The following PDE10A variants were observed in gnomAD, a reference collection of about 807,000 sequenced individuals.
PDE10A encodes the protein cAMP and cAMP-inhibited cGMP 3',5'-cyclic phosphodiesterase 10A.
A neutral mutation model predicts 97.7 loss-of-function variants in PDE10A; 39 were observed. The ratio of observed to expected loss-of-function variants is 0.40; its 90% confidence interval spans 0.31 to 0.52. The LOEUF is 0.52. Among genes scored for constraint, PDE10A ranks in the 20% least tolerant of loss-of-function variants. The pLI, the probability that PDE10A is intolerant of heterozygous loss-of-function variation, is 0.56. For synonymous variants in PDE10A, 371 were observed against 376.8 expected, an observed-to-expected ratio of 0.98 and a Z score of 0.18; for missense variants, 731 against 1,047.8, an observed-to-expected ratio of 0.70 and a Z score of 4.17.
At chr6:165,497,988 T>C (rs1780638500) in intron 2 of PDE10A, among the ~76,000 whole-genome samples, 1 of 152,236 alleles carries the variant, frequency 6.6e-6, no homozygotes, top group African/African-American at 2.4e-5. Context: ...TTTATAATTA[T>C]GAATAAAAAT....
chr6:165,574,656 T>TA lies in PDE10A; in HGVS notation c.866-31089dup, dbSNP rs200248288. On this transcript the variant is annotated intron_variant, in intron 1 of 21. Coordinates refer to ENST00000539869, the MANE Select transcript of PDE10A (RefSeq NM_001385079.1). ...ACACGTACATTCTGAATAACAAAAA[T>TA]AAGAGTTTTACTTACTAGTCTCGGC... 3.6e-3 allele frequency among the ~76,000 whole-genome samples: 544 copies of TA among 152,308 alleles called. 6 individuals carry two copies. The highest frequency in any genetic ancestry group is 0.012 in the African/African-American group (515 of 41,568).
intron 18 of PDE10A, among the ~76,000 whole-genome samples, chr6:165,363,422 G>A (rs947735196): frequency 2.6e-5 from 4 of 152,090 alleles, no homozygotes; most frequent in Non-Finnish European, 4.4e-5. Context: ...GGCTGAGGCA[G>A]GAGAATTGCT....
intron 1 of PDE10A, among the ~76,000 whole-genome samples, chr6:165,960,326 C>T (rs767058935): frequency 1.3e-5 from 2 of 152,156 alleles, no homozygotes; most frequent in Non-Finnish European, 2.9e-5. Context: ...TCAAAGAACA[C>T]CCGGTAAAGA....
rs1330501705 is a variant in PDE10A at position 165,413,544 on chromosome 6, T to C, written c.2033A>G (p.Lys678Arg). Residue 678 changes from lysine (K) to arginine (R), a missense_variant, in exon 13 of 22, where the codon AAA becomes AGA. Coordinates refer to ENST00000539869, the MANE Select transcript of PDE10A (RefSeq NM_001385079.1). Reference sequence around the variant, plus strand: ...TAAAGCACAAAAGACGGCAAACATTTTGAAGTTGTTTTCATCTGTTTTAGA... The same window carrying C: ...TAAAGCACAAAAGACGGCAAACATTCTGAAGTTGTTTTCATCTGTTTTAGA... ...AFSKTDENNF[K>R]MFAVFCALAL... The C allele has an allele frequency of 6.2e-7, 1 of 1,614,060 alleles. No homozygotes were observed. Among genetic ancestry groups the C allele is most frequent in the African/African-American group, 1.3e-5 (1 of 74,926 alleles).
chr6:165,668,243 T>TA (rs775782540), intron 1 of PDE10A, among the ~76,000 whole-genome samples: 42 of 152,312 alleles, frequency 2.8e-4, no homozygotes, highest in Middle Eastern at 3.4e-3. Flanking sequence ...ACATTCTGGA[T>TA]AAAAAGGGTT....
chr6:165,477,639 G>C (rs763372334), intron 3 of PDE10A, among the ~76,000 whole-genome samples: 1 of 152,114 alleles, frequency 6.6e-6, no homozygotes, highest in African/African-American at 2.4e-5. Flanking sequence ...TCCACACTCA[G>C]CATTTCCTAG....
intron 1 of PDE10A, among the ~76,000 whole-genome samples, chr6:165,716,418 A>C (rs1792028588): frequency 6.6e-6 from 1 of 152,246 alleles, no homozygotes; most frequent in Non-Finnish European, 1.5e-5. Context: ...AACTGACTGC[A>C]CACCTTATCT....
intron 17 of PDE10A, among the ~76,000 whole-genome samples, chr6:165,383,229 CTA>C (rs1335638036): frequency 6.6e-6 from 1 of 151,902 alleles, no homozygotes; most frequent in Non-Finnish European, 1.5e-5. Flanking sequence ...AAAATTTTGA[CTA>C]TTTTTAAAGT....
intron 1 of PDE10A, among the ~76,000 whole-genome samples, chr6:165,647,307 T>C (rs1481661819): frequency 6.6e-6 from 1 of 152,218 alleles, no homozygotes. Context: ...CCCCCGGAGC[T>C]GCCAGCGGCA....
chr6:165,480,158 T>G (rs182380543), intron 3 of PDE10A, among the ~76,000 whole-genome samples: 1 of 152,206 alleles, frequency 6.6e-6, no homozygotes, highest in South Asian at 2.1e-4. Flanking sequence ...GAAACTAAGA[T>G]GTTTTACTAG....
chr6:165,476,569 A>G (rs16897914), intron 3 of PDE10A, among the ~76,000 whole-genome samples: 10,572 of 152,232 alleles, frequency 0.069, 527 homozygotes, highest in East Asian at 0.25. Flanking sequence ...AATGTGAAAG[A>G]ACCCCATGCA....
chr6:165,704,133 A>G (rs1009911404), intron 1 of PDE10A, among the ~76,000 whole-genome samples: 1 of 152,158 alleles, frequency 6.6e-6, no homozygotes, highest in Non-Finnish European at 1.5e-5. Context: ...ACGTTTGGGA[A>G]CTGGCTCAAG....
intron 1 of PDE10A, among the ~76,000 whole-genome samples, chr6:165,565,180 G>A (rs1784714399): frequency 6.6e-6 from 1 of 152,152 alleles, no homozygotes; most frequent in South Asian, 2.1e-4. Flanking sequence ...CAGATGACAT[G>A]ACTGTCTATA....
intron 13 of PDE10A, among the ~76,000 whole-genome samples, chr6:165,398,097 T>G (rs1786320038): frequency 6.6e-6 from 1 of 152,234 alleles, no homozygotes; most frequent in Non-Finnish European, 1.5e-5. Flanking sequence ...TATTTAATAC[T>G]TTTGGAGATA....
rs1273195716 is a variant in PDE10A at position 165,785,179 on chromosome 6, G to A, written c.-615+202350C>T. Among the ~76,000 whole-genome samples, 5 of 152,322 alleles carry A rather than the reference G, an allele frequency of 3.3e-5. No individual in the cohort carries two copies. In the East Asian group the frequency reaches 9.6e-4, roughly 29 times the overall value. On this transcript the variant is annotated intron_variant, in intron 1 of 19. Transcript: ENST00000366882. The stretch of plus-strand genomic sequence containing the variant: ...GCCTCAGTCTCCTGATCTAGAAAAT[G>A]GACTTAGGGTCCTTGCCTCCTGGTG...
At chr6:165,829,009 T>C (rs999908732) in intron 1 of PDE10A, among the ~76,000 whole-genome samples, 1 of 152,254 alleles carries the variant, frequency 6.6e-6, no homozygotes, top group Non-Finnish European at 1.5e-5. Flanking sequence ...CCACTTTGAT[T>C]GGGCTGGTGC....
At chr6:165,508,282 T>C (rs73037882) in intron 2 of PDE10A, among the ~76,000 whole-genome samples, 18,223 of 152,066 alleles carry the variant, frequency 0.12, 1,188 homozygotes, top group South Asian at 0.18. Flanking sequence ...TACATTGCAT[T>C]GCCTAGAGTG....
At chr6:165,790,531 T>C (rs1316628591) in intron 1 of PDE10A, among the ~76,000 whole-genome samples, 1 of 152,152 alleles carries the variant, frequency 6.6e-6, no homozygotes, top group Non-Finnish European at 1.5e-5. Context: ...ATAAATTCTA[T>C]GTGCGGCAGG....
chr6:165,697,765 A>G (rs1479318101), intron 1 of PDE10A, among the ~76,000 whole-genome samples: 1 of 152,198 alleles, frequency 6.6e-6, no homozygotes, highest in Non-Finnish European at 1.5e-5. Flanking sequence ...AAATTGAAAA[A>G]GCTCTGGAGA....
Sources: allele counts gnomAD v4.1 joint callset (sites outside exome capture counted in the v4.1 genomes callset), GRCh38; gene constraint gnomAD v4.1.1; transcripts MANE v1.5; gene names NCBI Gene and HGNC (gene_info 2026-07-23, HGNC 2026-07-21).